The following RGL1 variants were observed in gnomAD, a reference collection of about 807,000 sequenced individuals.
RGL1 encodes ral guanine nucleotide dissociation stimulator-like 1.
A neutral mutation model predicts 95.2 loss-of-function variants in RGL1; 24 were observed. The ratio of observed to expected loss-of-function variants is 0.25; its 90% CI spans 0.18 to 0.35. The LOEUF (loss-of-function observed/expected upper bound fraction) is 0.35. RGL1 is among the 10% of genes least tolerant of loss of function. RGL1 has a pLI of 1.00. For missense variants in RGL1, 715 were observed against 936.3 expected, an observed-to-expected ratio of 0.76 and a Z score of 3.08; for synonymous variants, 329 against 344.9, an observed-to-expected ratio of 0.95 and a Z score of 0.51.
chr1:183,794,688 A>G (rs573929657), intron 2 of RGL1, among the ~76,000 whole-genome samples: 4 of 152,274 alleles, frequency 2.6e-5, no homozygotes, highest in South Asian at 4.1e-4. Flanking sequence ...AACAAATATC[A>G]TCTCTTTCCA....
intron 2 of RGL1, among the ~76,000 whole-genome samples, chr1:183,797,430 C>T (rs1660755600): frequency 6.6e-6 from 1 of 152,198 alleles, no homozygotes; most frequent in Admixed American, 6.5e-5. Context: ...CTGCTAAGTG[C>T]TATTTGCTTG....
intron 1 of RGL1, among the ~76,000 whole-genome samples, chr1:183,692,714 C>T (rs1315857901): frequency 1.3e-5 from 2 of 152,086 alleles, no homozygotes; most frequent in African/African-American, 2.4e-5. Context: ...GAATATGGAA[C>T]AAACAACAAT....
chr1:183,791,962 A>G lies in RGL1; in HGVS notation c.133-14413A>G, dbSNP rs117412390. Among the ~76,000 whole-genome samples, 41 of 152,288 alleles carry G rather than the reference A, an allele frequency of 2.7e-4. No individual in the cohort carries two copies. The East Asian group carries it at 7.9e-3, about 29-fold the overall frequency. On this transcript the variant is annotated intron_variant, in intron 2 of 18. Transcript: ENST00000304685. ...CATGGTTTCAAATAATTTCCCATGT[A>G]TATGTATGTACTAACTTAGAAGTCG...
intron 1 of RGL1, among the ~76,000 whole-genome samples, chr1:183,673,323 A>G (rs78699987): frequency 0.013 from 1,977 of 152,302 alleles, 51 homozygotes; most frequent in African/African-American, 0.046. Flanking sequence ...CATAAATTTG[A>G]AACTCATGTT....
chr1:183,692,288 G>A (rs1181647050), intron 1 of RGL1, among the ~76,000 whole-genome samples: 1 of 152,220 alleles, frequency 6.6e-6, no homozygotes, highest in Non-Finnish European at 1.5e-5. Context: ...GAAGGCTGGA[G>A]GTTGGCCCTA....
chr1:183,767,889 G>GTTGCAGTGAGCTGAGACAGTGCCA (rs1429257361), intron 2 of RGL1, among the ~76,000 whole-genome samples: 1 of 152,026 alleles, frequency 6.6e-6, no homozygotes, highest in Non-Finnish European at 1.5e-5. Context: ...GGAGGCAGAA[G>GTTGCAGTGAGCTGAGACAGTGCCA]TTGCAGTGAG....
intron 17 of RGL1, among the ~76,000 whole-genome samples, chr1:183,923,616 C>T (rs1210103302): frequency 2.0e-5 from 3 of 152,134 alleles, no homozygotes; most frequent in African/African-American, 2.4e-5. Flanking sequence ...GCTGGACCCC[C>T]GGGCCTTGGT....
At chr1:183,851,476 AG>A (rs1283776021) in intron 3 of RGL1, among the ~76,000 whole-genome samples, 11 of 152,194 alleles carry the variant, frequency 7.2e-5, no homozygotes, top group Non-Finnish European at 1.5e-4. Context: ...TTTCTTTGAG[AG>A]GATCCCTCAG....
chr1:183,687,146 A>G (rs2102098723), intron 1 of RGL1, among the ~76,000 whole-genome samples: 1 of 152,170 alleles, frequency 6.6e-6, no homozygotes, highest in Admixed American at 6.5e-5. Context: ...GTGCTATTCT[A>G]TTACCTTTTT....
Position 183,897,891 on chromosome 1 carries a change from G to T in RGL1, c.1224G>T (p.Lys408Asn), listed in dbSNP as rs1424795787. Residue 408 changes from lysine to asparagine, a missense_variant, in exon 10 of 18, where the codon AAG becomes AAT. Physicochemically the swap from Lys to Asn is moderately conservative, Grantham distance 94 (BLOSUM62 0). Coordinates refer to ENST00000360851, the MANE Select transcript of RGL1 (RefSeq NM_001297671.3). ...CCCAGAGGCGGCTGCAGCTCCAGAA[G>T]GACATGGTATGTCTGGCCCTCGTCT... The part of the protein sequence containing the change: ...KRTQRRLQLQ[K>N]DMGVMQGTVP... 6.2e-7 allele frequency: 1 copy of T among 1,613,520 alleles called. No homozygotes were observed. Among genetic ancestry groups the T allele is most frequent in the Non-Finnish European group, 8.5e-7 (1 of 1,179,596 alleles).
chr1:183,705,798 T>C (rs1408050888), intron 1 of RGL1, among the ~76,000 whole-genome samples: 1 of 152,140 alleles, frequency 6.6e-6, no homozygotes, highest in Admixed American at 6.5e-5. Context: ...CCATCTGGCT[T>C]TTTGACAGGT....
chr1:183,892,200 T>C (rs1373214625), intron 9 of RGL1, 39 bp downstream of exon 9: 3 of 1,401,796 alleles, frequency 2.1e-6, no homozygotes, highest in East Asian at 2.3e-5. Flanking sequence ...GTGCTGTTAA[T>C]AGCTCTGGAA....
intron 2 of RGL1, among the ~76,000 whole-genome samples, chr1:183,783,679 T>C (rs1358765742): frequency 6.6e-6 from 1 of 152,224 alleles, no homozygotes; most frequent in African/African-American, 2.4e-5. Context: ...ATTCCCAAGA[T>C]ATTTATATTC....
chr1:183,846,727 A>G (rs1664468846), intron 2 of RGL1, among the ~76,000 whole-genome samples: 1 of 151,996 alleles, frequency 6.6e-6, no homozygotes, highest in Non-Finnish European at 1.5e-5. Context: ...TAAAAATGCA[A>G]AAATTAGTCG....
chr1:183,745,613 T>C (rs907464099), intron 2 of RGL1, among the ~76,000 whole-genome samples: 3 of 152,160 alleles, frequency 2.0e-5, no homozygotes, highest in Admixed American at 2.0e-4. Context: ...CATGTTTCTA[T>C]AGATATCCTG....
At chr1:183,682,998 T>G (rs570280925) in intron 1 of RGL1, among the ~76,000 whole-genome samples, 62 of 126,578 alleles carry the variant, frequency 4.9e-4, no homozygotes, top group African/African-American at 2.1e-3. Context: ...AACCCCTTCT[T>G]TTTTTTTTTG....
chr1:183,841,891 T>C (rs1664085237), intron 2 of RGL1, among the ~76,000 whole-genome samples: 1 of 152,196 alleles, frequency 6.6e-6, no homozygotes, highest in African/African-American at 2.4e-5. Flanking sequence ...TTGCAGTGTT[T>C]TGCAGTTTGG....
intron 2 of RGL1, among the ~76,000 whole-genome samples, chr1:183,775,743 A>G (rs1306004649): frequency 6.6e-6 from 1 of 152,240 alleles, no homozygotes; most frequent in East Asian, 1.9e-4. Context: ...AATGATTGGC[A>G]TATAGCAAGG....
At chr1:183,833,962 CTG>C (rs2102495496) in intron 2 of RGL1, among the ~76,000 whole-genome samples, 1 of 55,644 alleles carries the variant, frequency 1.8e-5, no homozygotes, top group African/African-American at 6.7e-5. Context: ...ATATCTCTCT[CTG>C]TTTTTTTTTT....
Sources: gnomAD v4.1 joint callset for allele counts (sites outside exome capture counted in the v4.1 genomes callset) on GRCh38, gnomAD v4.1.1 for gene constraint, MANE v1.5 for transcripts, NCBI Gene and HGNC (gene_info 2026-07-23, HGNC 2026-07-21) for gene names.